The following TRIM5 variants were observed in gnomAD, a reference collection of about 807,000 sequenced individuals.
The protein encoded by TRIM5 is tripartite motif containing 5, also known as tripartite motif-containing protein 5.
A neutral mutation model predicts 35.6 loss-of-function variants in TRIM5; 31 were observed. The observed-to-expected ratio is 0.87, with a 90% CI of 0.65 to 1.18. The LOEUF (loss-of-function observed/expected upper bound fraction) is 1.18. Ranked by LOEUF, TRIM5 falls within the 50% of genes most tolerant of loss-of-function variation. TRIM5 has a pLI of 0.00. For synonymous variants in TRIM5, 243 were observed against 215.6 expected, an observed-to-expected ratio of 1.13 and a Z score of -1.11; for missense variants, 609 against 591.6, an observed-to-expected ratio of 1.03 and a Z score of -0.31.
the TRIM5 span, among the ~76,000 whole-genome samples, chr11:5,629,276 C>CA: frequency 0.013 from 1,992 of 148,726 alleles, 41 homozygotes; most frequent in African/African-American, 0.045. Context: ...AACTCCATCT[C>CA]AAAAAAAAAC....
At chr11:5,632,240 T>A in the TRIM5 span, 3 of 1,583,088 alleles carry the variant, frequency 1.9e-6, no homozygotes, top group Non-Finnish European at 2.6e-6. Flanking sequence ...TACCATCCCC[T>A]TTCAATCTTC....
chr11:5,634,006 A>T, the TRIM5 span: 1 of 1,170,188 alleles, frequency 8.5e-7, no homozygotes. Context: ...TCCTGAAGCC[A>T]TTTGATTAGT....
chr11:5,645,867 G>GGAAAAAAA, the TRIM5 span: 3 of 134,474 alleles, frequency 2.2e-5, no homozygotes, highest in East Asian at 2.4e-4. Flanking sequence ...TAGTCTTCTG[G>GGAAAAAAA]AAAAAAAAAA....
chr11:5,604,724 G>C, the TRIM5 span: 1 of 1,331,388 alleles, frequency 7.5e-7, no homozygotes, highest in African/African-American at 1.5e-5. Context: ...TCTGTCCTCT[G>C]ATGCCATGAC....
At chr11:5,636,128 C>T in the TRIM5 span, among the ~76,000 whole-genome samples, 1 of 152,154 alleles carries the variant, frequency 6.6e-6, no homozygotes. Flanking sequence ...CAACTCGTAT[C>T]TCCTTAAACT....
At chr11:5,603,515 T>C in the TRIM5 span, 1 of 1,614,092 alleles carries the variant, frequency 6.2e-7, no homozygotes, top group Non-Finnish European at 8.5e-7. Context: ...CCAGGGAACC[T>C]GCGGCCTAAT....
At chr11:5,624,265 C>G in the TRIM5 span, among the ~76,000 whole-genome samples, 1 of 152,132 alleles carries the variant, frequency 6.6e-6, no homozygotes, top group Non-Finnish European at 1.5e-5. Flanking sequence ...ATGTTATATG[C>G]AATAATATGC....
At chr11:5,683,637 CTCTG>C (rs1852737446) in intron 1 of TRIM5, among the ~76,000 whole-genome samples, 1 of 152,192 alleles carries the variant, frequency 6.6e-6, no homozygotes, top group Non-Finnish European at 1.5e-5. Context: ...CCAATCGACA[CTCTG>C]TATCTAGCTA....
chr11:5,641,340 T>C, the TRIM5 span: 1 of 1,505,018 alleles, frequency 6.6e-7, no homozygotes, highest in African/African-American at 1.4e-5. Context: ...CCCCGATGAG[T>C]ATTTGAGTGT....
the TRIM5 span, among the ~76,000 whole-genome samples, chr11:5,594,245 C>T: frequency 3.9e-5 from 6 of 152,246 alleles, no homozygotes; most frequent in East Asian, 1.2e-3. Flanking sequence ...TAAAAACTGC[C>T]TTGGTTAGCA....
the TRIM5 span, chr11:5,632,334 G>T: frequency 6.2e-7 from 1 of 1,614,046 alleles, no homozygotes. Context: ...GCAGTGCAAT[G>T]GCTTCAAAAA....
the TRIM5 span, among the ~76,000 whole-genome samples, chr11:5,606,738 G>A: frequency 1.3e-5 from 2 of 152,108 alleles, no homozygotes; most frequent in Non-Finnish European, 2.9e-5. Flanking sequence ...AAATGCAAAT[G>A]AATCGTCAAT....
chr11:5,676,957 A>G (rs1243102285), intron 4 of TRIM5, among the ~76,000 whole-genome samples: 1 of 151,912 alleles, frequency 6.6e-6, no homozygotes, highest in African/African-American at 2.4e-5. Context: ...TCAATTCAAG[A>G]TGGATTAAAG....
In TRIM5 at chr11:5,665,650, C is replaced by T; in HGVS notation, c.895+6G>A. Reference sequence around the variant, plus strand: ...GGTGGCTTATGATAATGTGACTTCTCCTTACCCCAGTAGCGTCGGACATCT... The same window carrying T: ...GGTGGCTTATGATAATGTGACTTCTTCTTACCCCAGTAGCGTCGGACATCT... On this transcript the variant is annotated splice_donor_region_variant and intron_variant, in intron 7 of 7. Coordinates refer to ENST00000380034, the MANE Select transcript of TRIM5 (RefSeq NM_033034.3). 1.3e-6 allele frequency: 2 copies of T among 1,552,052 alleles called. No individual in the cohort carries two copies. Among genetic ancestry groups the T allele is most frequent in the Non-Finnish European group, 1.7e-6 (2 of 1,159,388 alleles).
At chr11:5,635,315 G>C in the TRIM5 span, among the ~76,000 whole-genome samples, 1 of 150,188 alleles carries the variant, frequency 6.7e-6, no homozygotes, top group South Asian at 2.1e-4. Context: ...GAGTGCAGTG[G>C]TGCGATCTCG....
rs74051065 is a variant in TRIM5 at position 5,663,399 on chromosome 11, A to T, written c.*1410T>A. 4 of 980,750 alleles carry T rather than the reference A, an allele frequency of 4.1e-6. No homozygotes were observed. Among genetic ancestry groups the T allele is most frequent in the Middle Eastern group, 5.2e-4 (1 of 1,928 alleles). The allele number at this position is 980,750 out of a possible 1,614,324, so 60.8% of individuals were successfully genotyped here. On this transcript the variant is annotated 3_prime_UTR_variant, in exon 8 of 8. Transcript: ENST00000380034. Reference sequence around the variant, plus strand: ...TATTATATATAGAAGGCAGAATTGAAGTCATTTTGACAGTAGTATCTGAGA... The same window carrying T: ...TATTATATATAGAAGGCAGAATTGATGTCATTTTGACAGTAGTATCTGAGA...
the TRIM5 span, among the ~76,000 whole-genome samples, chr11:5,639,644 C>T: frequency 1.5e-5 from 2 of 133,572 alleles, no homozygotes; most frequent in African/African-American, 2.8e-5. Context: ...CGCACCACTG[C>T]ACTCCAGCCT....
downstream of TRIM5, among the ~76,000 whole-genome samples, chr11:5,661,021 GAC>G (rs1850797003): frequency 9.6e-6 from 1 of 104,310 alleles, no homozygotes; most frequent in South Asian, 3.6e-4. Context: ...CAGCCTGGGC[GAC>G]AGAGAGAGAC....
At chr11:5,640,704 A>G in the TRIM5 span, among the ~76,000 whole-genome samples, 4 of 152,298 alleles carry the variant, frequency 2.6e-5, 1 homozygote, top group South Asian at 8.3e-4. Flanking sequence ...TATTTTTGAA[A>G]TAACTTATGA....
Sources: allele counts gnomAD v4.1 joint callset (sites outside exome capture counted in the v4.1 genomes callset), GRCh38; gene constraint gnomAD v4.1.1; transcripts MANE v1.5; gene names NCBI Gene and HGNC (gene_info 2026-07-23, HGNC 2026-07-21).